The following SORCS2 variants were observed in gnomAD, a reference collection of about 807,000 sequenced individuals.
The protein encoded by SORCS2 is sortilin related VPS10 domain containing receptor 2.
SORCS2 carries 100 observed loss-of-function variants against 141.6 expected under a neutral mutation model. The ratio of observed to expected loss-of-function variants is 0.71; its 90% CI spans 0.60 to 0.83. SORCS2 has a LOEUF of 0.83. Ranked by LOEUF, SORCS2 falls within the 40% of genes least tolerant of loss-of-function variation. SORCS2 has a pLI of 0.00. For synonymous variants in SORCS2, 789 were observed against 676.9 expected (o/e 1.17, Z -2.57); for missense variants, 1,646 against 1,560.2 (o/e 1.05, Z -0.93).
intron 4 of SORCS2, among the ~76,000 whole-genome samples, chr4:7,639,506 GAA>G (rs1720498884): frequency 6.9e-6 from 1 of 145,426 alleles, no homozygotes; most frequent in East Asian, 2.5e-4. Context: ...GGGTGGGTGT[GAA>G]TGTGTGGGTT....
intron 3 of SORCS2, among the ~76,000 whole-genome samples, chr4:7,610,462 C>T (rs972250566): frequency 6.6e-6 from 1 of 152,152 alleles, no homozygotes; most frequent in Admixed American, 6.5e-5. Context: ...CTGCACGAGG[C>T]CCCCCGGGTT....
chr4:7,235,365 A>G (rs1875341), intron 1 of SORCS2, among the ~76,000 whole-genome samples: 76,774 of 152,146 alleles, frequency 0.5, 19,853 homozygotes, highest in Admixed American at 0.56. Context: ...TCTTTGGGGC[A>G]GGAACTGGTA....
At chr4:7,545,221 G>T (rs957418064) in intron 3 of SORCS2, among the ~76,000 whole-genome samples, 1 of 151,526 alleles carries the variant, frequency 6.6e-6, no homozygotes, top group South Asian at 2.1e-4. Context: ...AAAACAGAGA[G>T]GAAGGGACTC....
intron 2 of SORCS2, among the ~76,000 whole-genome samples, chr4:7,479,752 G>A (rs1472976547): frequency 6.6e-6 from 1 of 152,262 alleles, no homozygotes; most frequent in African/African-American, 2.4e-5. Flanking sequence ...ATGGTTCTAG[G>A]ATACAGATGC....
chr4:7,738,608 G>A (rs146452421), intron 26 of SORCS2, among the ~76,000 whole-genome samples: 124 of 152,286 alleles, frequency 8.1e-4, no homozygotes, highest in African/African-American at 2.9e-3. Flanking sequence ...AGGAAGCCAC[G>A]GAGGTCTTGG....
chr4:7,508,074 G>C (rs1268590346), intron 2 of SORCS2, among the ~76,000 whole-genome samples: 1 of 152,068 alleles, frequency 6.6e-6, no homozygotes, highest in Non-Finnish European at 1.5e-5. Flanking sequence ...GCGTGTCTGC[G>C]AGCCTGGAGG....
At chr4:7,531,417 T>C in intron 2 of SORCS2, 113 bp from the exon 3 acceptor site, 1 of 898,578 alleles carries the variant, frequency 1.1e-6, no homozygotes, top group Non-Finnish European at 1.8e-6. Flanking sequence ...GTACTCAGGG[T>C]GTCTGGGGCA....
rs978237764 is a variant in SORCS2 at position 7,712,585 on chromosome 4, C to T, written c.1869-148C>T. On this transcript the variant is annotated intron_variant, in intron 14 of 26. Transcript: ENST00000507866. ...GGCCAGGCTCGGTGACCGGGGCAGC[C>T]TCGCTCTGATCTCCAGCAAGGGCAG... The T allele has an allele frequency of 7.5e-6, 9 of 1,205,956 alleles. No individual in the cohort carries two copies. The Admixed American group carries it at 1.9e-4, about 25-fold the overall frequency. 74.7% of individuals were successfully genotyped at this position (1,205,956 alleles called of 1,614,324 possible).
intron 1 of SORCS2, among the ~76,000 whole-genome samples, chr4:7,205,548 C>G (rs185661864): frequency 2.0e-5 from 3 of 152,304 alleles, no homozygotes; most frequent in Non-Finnish European, 1.5e-5. Context: ...CAACTGTGAT[C>G]TGGTCTTGGA....
At position 7,729,644 on chromosome 4, in the gene SORCS2, T is replaced by A. The variant is rs201153689; in HGVS notation, c.3040T>A (p.Leu1014Met). Residue 1014 changes from leucine to methionine, a missense_variant, in exon 23 of 27, where the codon TTG (leucine) becomes ATG (methionine). Physicochemically the swap from Leu to Met is conservative, Grantham distance 15 (BLOSUM62 2). Transcript: ENST00000507866. Reference sequence around the variant, plus strand: ...TGTGGTGAAGCCGGGGCTGCCCACTTTGGCCGATCTGTACGTGCTCCTGCC... The same window carrying A: ...TGTGGTGAAGCCGGGGCTGCCCACTATGGCCGATCTGTACGTGCTCCTGCC... Reference protein sequence around the residue: ...VTVVKPGLPTLADLYVLLPPP... With the variant: ...VTVVKPGLPTMADLYVLLPPP... 6.2e-7 allele frequency: 1 copy of A among 1,602,134 alleles called. No individual in the cohort carries two copies. The highest frequency in any genetic ancestry group is 2.3e-5 in the East Asian group (1 of 44,272).
chr4:7,737,010 A>T lies in SORCS2; in HGVS notation c.3312-59A>T. 7 of 1,544,572 alleles carry T rather than the reference A, an allele frequency of 4.5e-6. No individual in the cohort carries two copies. The South Asian group carries it at 7.2e-5, about 16-fold the overall frequency. On this transcript the variant is annotated intron_variant, in intron 25 of 26. Transcript: ENST00000507866. ...GGTCAGGCGGCCAGCGGAAGGCTCC[A>T]GGGACAGGCGGCCTGGGAAGCCCCT...
chr4:7,409,805 A>C (rs1420753852), intron 2 of SORCS2, among the ~76,000 whole-genome samples: 1 of 152,136 alleles, frequency 6.6e-6, no homozygotes, highest in Non-Finnish European at 1.5e-5. Flanking sequence ...TTGCATTCTG[A>C]AATATTGCTG....
Position 7,219,610 on chromosome 4 carries a change from A to T in SORCS2, c.480+26484A>T, listed in dbSNP as rs140794864. Among the ~76,000 whole-genome samples the T allele has an allele frequency of 1.9e-3, 283 of 152,324 alleles. 3 individuals carry two copies. The highest frequency in any genetic ancestry group is 6.6e-3 in the African/African-American group (274 of 41,572). The stretch of plus-strand genomic sequence containing the variant: ...CGGCAGGAAGAAGTACAGCAGGGGA[A>T]ATGCCAGATGCTTATAAAACCATCA... On this transcript the variant is annotated intron_variant, in intron 1 of 26. Coordinates refer to ENST00000507866, the MANE Select transcript of SORCS2 (RefSeq NM_020777.3).
intron 2 of SORCS2, among the ~76,000 whole-genome samples, chr4:7,454,925 T>G (rs1273116370): frequency 7.0e-5 from 5 of 71,764 alleles, no homozygotes; most frequent in Admixed American, 1.6e-4. Context: ...TGGGGTCAGG[T>G]GCTGTGTGTT....
chr4:7,231,000 A>ATATTCC (rs1711835180), intron 1 of SORCS2, among the ~76,000 whole-genome samples: 1 of 55,012 alleles, frequency 1.8e-5, no homozygotes, highest in Non-Finnish European at 4.7e-5. Flanking sequence ...ATCTGTATCT[A>ATATTCC]TATCCATATC....
In SORCS2 at chr4:7,192,651, C is replaced by A; in HGVS notation, c.5C>A (p.Ala2Glu). The change falls in exon 1 of 27, where the codon GCG (alanine) becomes GAG (glutamate). Residue 2 changes from alanine to glutamate, a missense_variant. Physicochemically the swap from Ala to Glu is moderately radical, Grantham distance 107. Coordinates refer to ENST00000507866, the MANE Select transcript of SORCS2 (RefSeq NM_020777.3). The surrounding 1 kb of genome is among the most constrained non-coding windows in gnomAD (Gnocchi z 4.0). ...CCGCTGCCGCCCCTGGCGACCATGG[C>A]GCACCGGGGGCCCTCGCGCGCCTCG... Reference protein sequence around the residue: MAHRGPSRASKG... With the variant: MEHRGPSRASKG... The A allele has an allele frequency of 1.0e-6, 1 of 987,416 alleles. No homozygotes were observed. Among genetic ancestry groups the A allele is most frequent in the Non-Finnish European group, 1.2e-6 (1 of 832,436 alleles). The allele number at this position is 987,416 out of a possible 1,614,324, so 61.2% of individuals were successfully genotyped here. A position where few individuals can be genotyped will look rare whatever the true frequency, so the allele number is the denominator to read the frequency against.
intron 3 of SORCS2, among the ~76,000 whole-genome samples, chr4:7,619,030 A>T (rs1718960795): frequency 6.6e-6 from 1 of 152,174 alleles, no homozygotes; most frequent in South Asian, 2.1e-4. Context: ...TGAAAAGTAC[A>T]GGTGTCAGAC....
chr4:7,294,357 G>A (rs991093593), intron 1 of SORCS2, among the ~76,000 whole-genome samples: 4 of 152,134 alleles, frequency 2.6e-5, no homozygotes, highest in East Asian at 1.9e-4. Flanking sequence ...ACGGGGCTAG[G>A]TGGTGCAGGG....
chr4:7,241,510 G>A (rs1048426740), intron 1 of SORCS2, among the ~76,000 whole-genome samples: 6 of 152,132 alleles, frequency 3.9e-5, no homozygotes, highest in African/African-American at 1.2e-4. Context: ...TACTTACTGT[G>A]CACTCTTCCA....
Sources: gnomAD v4.1 joint callset for allele counts (sites outside exome capture counted in the v4.1 genomes callset) on GRCh38, gnomAD v4.1.1 for gene constraint, Gnocchi (gnomAD v3.1) non-coding constraint, MANE v1.5 for transcripts, NCBI Gene and HGNC (gene_info 2026-07-23, HGNC 2026-07-21) for gene names.